ADAMTS17: variants seen among roughly 807,000 people sequenced by gnomAD.
The protein encoded by ADAMTS17 is A disintegrin and metalloproteinase with thrombospondin motifs 17.
In ADAMTS17, 113 loss-of-function variants were observed where a neutral mutation model predicts 141.5. That is an observed-to-expected ratio of 0.80 (90% CI 0.69 to 0.93). The LOEUF (loss-of-function observed/expected upper bound fraction) is 0.93, where lower values mean the gene tolerates loss of function less well. Ranked by LOEUF, ADAMTS17 falls within the 40% of genes least tolerant of loss-of-function variation. The pLI is 0.00. For missense variants in ADAMTS17, 1,659 were observed against 1,517.9 expected (o/e 1.09, Z -1.54); for synonymous variants, 768 against 630.6 (o/e 1.22, Z -3.27).
intron 3 of ADAMTS17, among the ~76,000 whole-genome samples, chr15:100,311,237 G>A (rs1033458815): frequency 2.0e-5 from 3 of 152,168 alleles, no homozygotes; most frequent in East Asian, 1.9e-4. Context: ...CATGAACGCC[G>A]CTGATTCAAA....
chr15:100,332,725 G>A (rs958613015), intron 2 of ADAMTS17, among the ~76,000 whole-genome samples: 2 of 152,184 alleles, frequency 1.3e-5, no homozygotes, highest in Non-Finnish European at 1.5e-5. Context: ...AGCACCTTAG[G>A]GAAGGTTTTT....
intron 14 of ADAMTS17, 86 bp from the exon 15 acceptor site, chr15:100,096,562 G>A (rs2035772357): frequency 3.8e-6 from 6 of 1,588,158 alleles, no homozygotes; most frequent in African/African-American, 1.3e-5. Context: ...ACTTTTCCAT[G>A]AGGTGCAGCA....
intron 10 of ADAMTS17, among the ~76,000 whole-genome samples, chr15:100,139,184 T>C (rs567761963): frequency 7.1e-4 from 108 of 152,004 alleles, no homozygotes; most frequent in Non-Finnish European, 4.4e-5. Context: ...GGGAGAAAAG[T>C]ACAACAAAGA....
chr15:100,167,914 C>T (rs1048233448), intron 8 of ADAMTS17, among the ~76,000 whole-genome samples: 7 of 152,184 alleles, frequency 4.6e-5, no homozygotes, highest in African/African-American at 1.2e-4. Flanking sequence ...TCACAGGGCC[C>T]GAGCTGCTCT....
chr15:100,004,159 G>C (rs747368638), intron 18 of ADAMTS17, among the ~76,000 whole-genome samples: 2 of 152,242 alleles, frequency 1.3e-5, no homozygotes, highest in African/African-American at 4.8e-5. Context: ...TGTGCCCGGG[G>C]TGCACACGTT....
At position 100,187,202 on chromosome 15, in the gene ADAMTS17, T is replaced by TGATA. The variant is rs199901926; in HGVS notation, c.1181+12112_1181+12115dup. ...TTGAGACGGAGATAAGCATGCCCAG[T>TGATA]GATAACGTTAGAGCAGGCAGTATCT... On this transcript the variant is annotated intron_variant, in intron 8 of 21. Coordinates refer to ENST00000268070, the MANE Select transcript of ADAMTS17 (RefSeq NM_139057.4). Among the ~76,000 whole-genome samples the TGATA allele has an allele frequency of 3.2e-3, 488 of 152,312 alleles. 15 individuals carry two copies. The East Asian group carries it at 0.08, about 25-fold the overall frequency.
At chr15:100,233,386 T>G (rs1322916300) in intron 7 of ADAMTS17, among the ~76,000 whole-genome samples, 5 of 151,966 alleles carry the variant, frequency 3.3e-5, no homozygotes, top group Non-Finnish European at 1.5e-5. Context: ...AAGTCGCCGT[T>G]TTTTAAGATG....
At chr15:100,283,491 C>T (rs1363539413) in intron 3 of ADAMTS17, among the ~76,000 whole-genome samples, 1 of 152,214 alleles carries the variant, frequency 6.6e-6, no homozygotes, top group Admixed American at 6.5e-5. Flanking sequence ...TCTGTTGTAA[C>T]CAGCACACCC....
chr15:100,059,086 C>T (rs900772446), intron 15 of ADAMTS17, among the ~76,000 whole-genome samples: 1 of 152,206 alleles, frequency 6.6e-6, no homozygotes, highest in Non-Finnish European at 1.5e-5. Context: ...TTGGCTCTCA[C>T]AAGCCACACA....
At chr15:100,150,151 A>G (rs1366986446) in intron 10 of ADAMTS17, among the ~76,000 whole-genome samples, 1 of 152,226 alleles carries the variant, frequency 6.6e-6, no homozygotes, top group Non-Finnish European at 1.5e-5. Context: ...CTTCAATGTA[A>G]AAGGCACGTG....
chr15:100,287,539 T>G (rs1014914020), intron 3 of ADAMTS17, among the ~76,000 whole-genome samples: 1 of 152,132 alleles, frequency 6.6e-6, no homozygotes, highest in African/African-American at 2.4e-5. Context: ...AGAGAACCCC[T>G]GAAAGATCCT....
chr15:100,167,214 A>G (rs2039984444), intron 8 of ADAMTS17, among the ~76,000 whole-genome samples: 1 of 152,208 alleles, frequency 6.6e-6, no homozygotes. Flanking sequence ...ATATCACCTC[A>G]TTGGATATCA....
intron 18 of ADAMTS17, among the ~76,000 whole-genome samples, chr15:100,026,979 TTCAA>T (rs1353650011): frequency 6.6e-6 from 1 of 152,232 alleles, no homozygotes; most frequent in Non-Finnish European, 1.5e-5. Flanking sequence ...TCTTTTCTAT[TTCAA>T]TCAGTCTAGT....
rs546243070 is a variant in ADAMTS17, at chr15:100,210,078, C to T, written c.1076-10655G>A. Among the ~76,000 whole-genome samples, 253 of 151,734 alleles carry T rather than the reference C, an allele frequency of 1.7e-3. 7 individuals carry two copies. The South Asian group carries it at 0.044, about 27-fold the overall frequency. ...TGAAACCCCGTCTCTACTAAAAGTA[C>T]AAAAAATTAGCCGGGCATAGTGGGC... is the stretch of plus-strand genomic sequence containing the variant. On this transcript the variant is annotated intron_variant, in intron 7 of 21. Transcript: ENST00000268070.
intron 12 of ADAMTS17, chr15:100,129,020 C>T (rs576970491): frequency 6.6e-6 from 1 of 152,326 alleles, no homozygotes; most frequent in South Asian, 2.1e-4. Flanking sequence ...ATTTGCATAG[C>T]GTTGATAACG....
At chr15:100,296,093 C>G (rs1017207998) in intron 3 of ADAMTS17, among the ~76,000 whole-genome samples, 1 of 152,102 alleles carries the variant, frequency 6.6e-6, no homozygotes, top group Non-Finnish European at 1.5e-5. Flanking sequence ...GGGGACAGTG[C>G]TTAACAGATT....
At chr15:100,167,490 T>C (rs1432398742) in intron 8 of ADAMTS17, among the ~76,000 whole-genome samples, 2 of 152,144 alleles carry the variant, frequency 1.3e-5, no homozygotes, top group Non-Finnish European at 2.9e-5. Flanking sequence ...GTGGATTTCT[T>C]AGACTTGAAG....
chr15:100,109,316 T>C (rs930846536), intron 13 of ADAMTS17, among the ~76,000 whole-genome samples, 200 bp from the exon 14 acceptor site: 1 of 151,862 alleles, frequency 6.6e-6, no homozygotes, highest in African/African-American at 2.4e-5. Flanking sequence ...GACTGAGCTC[T>C]GTGGGGATGC....
intron 8 of ADAMTS17, among the ~76,000 whole-genome samples, chr15:100,195,085 G>T (rs1474312105): frequency 6.6e-6 from 1 of 152,246 alleles, no homozygotes; most frequent in African/African-American, 2.4e-5. Flanking sequence ...GCACATGGCT[G>T]CCCATCAGAA....
Sources: allele counts gnomAD v4.1 joint callset (sites outside exome capture counted in the v4.1 genomes callset), GRCh38; gene constraint gnomAD v4.1.1; transcripts MANE v1.5; gene names NCBI Gene and HGNC (gene_info 2026-07-23, HGNC 2026-07-21).